Variants in SYNDIG1 observed in about 807,000 individuals in gnomAD.
The protein encoded by SYNDIG1 is synapse differentiation-inducing gene protein 1.
SYNDIG1 carries 9 observed loss-of-function variants against 19.4 expected under a neutral mutation model. The ratio of observed to expected loss-of-function variants is 0.46; its 90% CI spans 0.28 to 0.81. The LOEUF (loss-of-function observed/expected upper bound fraction) is 0.81, where lower values mean the gene tolerates loss of function less well. Among genes scored for constraint, SYNDIG1 ranks in the 30% least tolerant of loss-of-function variants. The pLI is 0.12. For synonymous variants in SYNDIG1, 141 were observed against 145.9 expected (o/e 0.97, Z 0.24); for missense variants, 311 against 343.3 (o/e 0.91, Z 0.74).
At chr20:24,653,903 A>G (rs2059497991) in intron 3 of SYNDIG1, among the ~76,000 whole-genome samples, 1 of 152,164 alleles carries the variant, frequency 6.6e-6, no homozygotes, top group Non-Finnish European at 1.5e-5. Context: ...CTCATGTCAG[A>G]TTAGGGCCCA....
In SYNDIG1 at chr20:24,560,759, G is replaced by A. The variant is rs1338207704; in HGVS notation, c.480+17182G>A. ...GCTTTCCTGTTTCTATACCTGGCTAGTATTTTTTGTTGTGGTTGAAAACTA... is the reference window on the plus strand; with the variant it reads ...GCTTTCCTGTTTCTATACCTGGCTAATATTTTTTGTTGTGGTTGAAAACTA... On this transcript the variant is annotated intron_variant, in intron 2 of 3. Coordinates refer to ENST00000376862, the MANE Select transcript of SYNDIG1 (RefSeq NM_024893.3). Among the ~76,000 whole-genome samples, 6 of 129,274 alleles carry A rather than the reference G, an allele frequency of 4.6e-5. No homozygotes were observed. In the Admixed American group the frequency reaches 5.1e-4, roughly 11 times the overall value. 84.8% of individuals were successfully genotyped at this position (129,274 alleles called of 152,430 possible).
intron 2 of SYNDIG1, among the ~76,000 whole-genome samples, chr20:24,550,001 A>G (rs1416736879): frequency 6.6e-6 from 1 of 152,052 alleles, no homozygotes; most frequent in Non-Finnish European, 1.5e-5. Context: ...CTGGCTTGCT[A>G]GTCTGCTTCT....
intron 2 of SYNDIG1, among the ~76,000 whole-genome samples, chr20:24,581,359 G>T (rs1157164114): frequency 6.6e-6 from 1 of 152,132 alleles, no homozygotes; most frequent in African/African-American, 2.4e-5. Context: ...CAGACAGGCG[G>T]ATTTTTTGTT....
At chr20:24,655,908 A>G (rs1028326295) in intron 3 of SYNDIG1, among the ~76,000 whole-genome samples, 4 of 152,254 alleles carry the variant, frequency 2.6e-5, no homozygotes, top group Non-Finnish European at 4.4e-5. Flanking sequence ...ACAAGAGCCT[A>G]GTGAACGGAT....
At chr20:24,513,951 C>G (rs936993935) in intron 1 of SYNDIG1, among the ~76,000 whole-genome samples, 4 of 152,154 alleles carry the variant, frequency 2.6e-5, no homozygotes, top group African/African-American at 4.8e-5. Context: ...CAAGCCAGAA[C>G]AGAGTGGGGG....
At chr20:24,586,997 T>C (rs1352330068) in intron 3 of SYNDIG1, among the ~76,000 whole-genome samples, 1 of 152,218 alleles carries the variant, frequency 6.6e-6, no homozygotes, top group Non-Finnish European at 1.5e-5. Flanking sequence ...TCTCAGAAAG[T>C]AATTTTATTC....
intron 2 of SYNDIG1, among the ~76,000 whole-genome samples, chr20:24,560,089 T>C (rs1232303118): frequency 1.7e-5 from 2 of 114,964 alleles, no homozygotes; most frequent in East Asian, 6.7e-4. Context: ...TTTTTTTTTT[T>C]TTGCAGTCTC....
chr20:24,666,211 T>G lies in SYNDIG1; in HGVS notation c.*707T>G, dbSNP rs77907030. On this transcript the variant is annotated 3_prime_UTR_variant, in exon 4 of 4. Coordinates refer to ENST00000376862, the MANE Select transcript of SYNDIG1 (RefSeq NM_024893.3). ...ATACGCACTCTTGGGACCTCGCTGA[T>G]CTAGGATGGGGAGGCAGGCCACCGC... is the stretch of plus-strand genomic sequence containing the variant. 5,364 of 152,656 alleles carry G rather than the reference T, an allele frequency of 0.035. 114 individuals are homozygous for G. Among genetic ancestry groups the G allele is most frequent in the South Asian group, 0.066 (318 of 4,818 alleles). The allele number at this position is 152,656 out of a possible 1,614,324, so 9.5% of individuals were successfully genotyped here.
intron 3 of SYNDIG1, among the ~76,000 whole-genome samples, chr20:24,662,727 C>T (rs933771979): frequency 3.9e-5 from 6 of 152,258 alleles, no homozygotes; most frequent in Non-Finnish European, 5.9e-5. Flanking sequence ...ACTTTCTAAC[C>T]GCCTGCACTT....
intron 1 of SYNDIG1, among the ~76,000 whole-genome samples, chr20:24,504,364 C>T (rs893010064): frequency 2.0e-5 from 3 of 152,212 alleles, no homozygotes; most frequent in African/African-American, 4.8e-5. Flanking sequence ...GCAATGAAGT[C>T]GCACATAATA....
At chr20:24,650,224 G>C (rs1165361725) in intron 3 of SYNDIG1, among the ~76,000 whole-genome samples, 1 of 152,210 alleles carries the variant, frequency 6.6e-6, no homozygotes, top group African/African-American at 2.4e-5. Flanking sequence ...AGTCCCCAAG[G>C]CTGTTGTGAA....
At chr20:24,570,057 G>A (rs1269290324) in intron 2 of SYNDIG1, among the ~76,000 whole-genome samples, 1 of 152,168 alleles carries the variant, frequency 6.6e-6, no homozygotes, top group Non-Finnish European at 1.5e-5. Flanking sequence ...ACCAATTTCA[G>A]TATTGTATTT....
At chr20:24,500,065 C>T (rs2056401882) in intron 1 of SYNDIG1, among the ~76,000 whole-genome samples, 2 of 152,090 alleles carry the variant, frequency 1.3e-5, no homozygotes, top group African/African-American at 2.4e-5. Context: ...AGGCCACAGC[C>T]AGCCAGCCGT....
rs796187041 is a variant in SYNDIG1 at position 24,514,885 on chromosome 20, C to T, written c.-78-28135C>T. ...ACCACATAGTTGGAAGTAAAACACT[C>T]CTCAGCAAATGTAAAAGAACAGAAA... is the stretch of plus-strand genomic sequence containing the variant. On this transcript the variant is annotated intron_variant, in intron 1 of 3. Transcript: ENST00000376862. Among the ~76,000 whole-genome samples, 4 of 152,314 alleles carry T rather than the reference C, an allele frequency of 2.6e-5. No homozygotes were observed. In the South Asian group the frequency reaches 8.3e-4, roughly 32 times the overall value.
intron 3 of SYNDIG1, among the ~76,000 whole-genome samples, chr20:24,613,505 A>G (rs2058881066): frequency 6.6e-6 from 1 of 151,982 alleles, no homozygotes. Flanking sequence ...CTTGCCCTCA[A>G]CCCACCCGTT....
intron 3 of SYNDIG1, among the ~76,000 whole-genome samples, chr20:24,619,370 T>A (rs1006263107): frequency 6.6e-6 from 1 of 152,236 alleles, no homozygotes; most frequent in Admixed American, 6.5e-5. Flanking sequence ...GGCCCACTGG[T>A]CATTGTCATC....
intron 3 of SYNDIG1, among the ~76,000 whole-genome samples, chr20:24,660,880 C>CT (rs2059577023): frequency 6.6e-6 from 1 of 152,228 alleles, no homozygotes; most frequent in South Asian, 2.1e-4. Flanking sequence ...CAGCACCCTC[C>CT]TGGCCCCACC....
Position 24,536,732 on chromosome 20 carries a change from A to G in SYNDIG1, c.-78-6288A>G, listed in dbSNP as rs533810253. Reference sequence around the variant, plus strand: ...CTGCCAGCATGGTCTCAGGCCCCCCATGTCTCGCAGGGAGGACCCTGTGAT... The same window carrying G: ...CTGCCAGCATGGTCTCAGGCCCCCCGTGTCTCGCAGGGAGGACCCTGTGAT... On this transcript the variant is annotated intron_variant, in intron 1 of 3. Transcript: ENST00000376862. Among the ~76,000 whole-genome samples the G allele has an allele frequency of 3.9e-5, 6 of 152,172 alleles. No homozygotes were observed. The South Asian group carries it at 1.2e-3, about 32-fold the overall frequency.
chr20:24,522,586 C>A (rs1057135952), intron 1 of SYNDIG1, among the ~76,000 whole-genome samples: 7 of 152,176 alleles, frequency 4.6e-5, no homozygotes, highest in African/African-American at 1.7e-4. Flanking sequence ...ATTCATTTCA[C>A]TCTGTGGGAT....
Sources: gnomAD v4.1 joint callset for allele counts (sites outside exome capture counted in the v4.1 genomes callset) on GRCh38, gnomAD v4.1.1 for gene constraint, MANE v1.5 for transcripts, NCBI Gene and HGNC (gene_info 2026-07-23, HGNC 2026-07-21) for gene names.